TFAP4: variants seen among roughly 807,000 people sequenced by gnomAD.
TFAP4 encodes transcription factor AP-4, also known as activating enhancer-binding protein 4.
TFAP4 carries 7 observed loss-of-function variants against 40.4 expected under a neutral mutation model. That is an observed-to-expected ratio of 0.17 (90% CI 0.10 to 0.33). The LOEUF is 0.33. Ranked by LOEUF, TFAP4 falls within the 10% of genes least tolerant of loss-of-function variation. The pLI is 1.00. For synonymous variants in TFAP4, 218 were observed against 181.4 expected (o/e 1.20, Z -1.62); for missense variants, 374 against 451.1 (o/e 0.83, Z 1.55).
chr16:4,258,151 G>A lies in TFAP4; in HGVS notation c.921C>T (p.Ala307=), dbSNP rs1490054726. Residue 307 remains alanine, a synonymous_variant, in exon 7 of 7, where the codon GCC becomes GCT. Transcript: ENST00000204517. ...AGTCGGAGGCGGTGTCAGAGGTGGG[G>A]GCCTCCGGGCAGCTGCGGACAGGCT... ...IVKPVRSCPE[A]PTSDTASDSE... is the part of the protein sequence containing the mutation. The A allele has an allele frequency of 3.1e-6, 5 of 1,613,958 alleles. No homozygotes were observed. Among genetic ancestry groups the A allele is most frequent in the Non-Finnish European group, 4.2e-6 (5 of 1,179,964 alleles).
intron 1 of TFAP4, chr16:4,265,604 T>C (rs1225519634): frequency 2.9e-5 from 2 of 69,322 alleles, no homozygotes; most frequent in Non-Finnish European, 5.1e-5. Flanking sequence ...AGTGAGACCT[T>C]GTCTCAAAAA....
Position 4,260,224 on chromosome 16 carries a change from T to TAACCGGGGGGGGGGGGGGG in TFAP4, c.687_688insCCCCCCCCCCCCCCCGGTT (p.Thr230ProfsTer88). On this transcript the variant is annotated frameshift_variant, in exon 6 of 7. Coordinates refer to ENST00000204517, the MANE Select transcript of TFAP4 (RefSeq NM_003223.3). LOFTEE classifies it high-confidence loss of function. ...GGCACGATCACCGTGGGGTGGTGGG[T>TAACCGGGGGGGGGGGGGGG]GGGGGCCGGAGGGGGCAGAAGCTGC... The TAACCGGGGGGGGGGGGGGG allele has an allele frequency of 4.5e-6, 1 of 223,762 alleles. No individual in the cohort carries two copies. The highest frequency in any genetic ancestry group is 7.9e-6 in the Non-Finnish European group (1 of 126,038). The allele number at this position is 223,762 out of a possible 1,614,324, so 13.9% of individuals were successfully genotyped here. A position where few individuals can be genotyped will look rare whatever the true frequency, so the allele number is the denominator to read the frequency against.
rs772766739 is a variant in TFAP4 at position 4,258,016 on chromosome 16, C to A, written c.*39G>T. The A allele has an allele frequency of 1.3e-5, 20 of 1,589,728 alleles. No individual in the cohort carries two copies. The highest frequency in any genetic ancestry group is 1.5e-5 in the Non-Finnish European group (18 of 1,169,820). ...CTCTCCCTGTGGCTGCCCCGGCTCC[C>A]TCCAGCCCCCAGAAGGGAGAGGAGG... On this transcript the variant is annotated 3_prime_UTR_variant, in exon 7 of 7. Coordinates refer to ENST00000204517, the MANE Select transcript of TFAP4 (RefSeq NM_003223.3).
intron 4 of TFAP4, among the ~76,000 whole-genome samples, chr16:4,260,866 G>C (rs1241267586): frequency 6.6e-6 from 1 of 152,258 alleles, no homozygotes; most frequent in Non-Finnish European, 1.5e-5. Context: ...GGTTAACTAT[G>C]AGACTCAACT....
At chr16:4,260,282 T>C in intron 5 of TFAP4, 37 bp from the exon 6 acceptor site, 1 of 1,527,624 alleles carries the variant, frequency 6.5e-7, no homozygotes, top group Non-Finnish European at 8.8e-7. Flanking sequence ...CTCTCAAGGC[T>C]TCTCTTGGCC....
intron 3 of TFAP4, 98 bp downstream of exon 3, chr16:4,262,226 C>A: frequency 7.3e-7 from 1 of 1,368,550 alleles, no homozygotes; most frequent in Non-Finnish European, 1.0e-6. Flanking sequence ...TGTCAGTGGG[C>A]AAGAAGGGGC....
At chr16:4,272,506 C>A in intron 1 of TFAP4, 152 bp downstream of exon 1, 1 of 509,940 alleles carries the variant, frequency 2.0e-6, no homozygotes, top group South Asian at 4.7e-5. Context: ...GCGGCGCGGA[C>A]CCGGCGTGTG....
Position 4,262,700 on chromosome 16 carries a change from G to A in TFAP4, c.91C>T (p.Leu31Phe). The A allele has an allele frequency of 6.2e-7, 1 of 1,607,820 alleles. No individual in the cohort carries two copies. Among genetic ancestry groups the A allele is most frequent in the Non-Finnish European group, 8.5e-7 (1 of 1,179,860 alleles). The stretch of plus-strand genomic sequence containing the variant: ...TCGGGGGTTAGTGGAATGTTGGCAA[G>A]GCTGCCAGAGAGGACAGGGACAGGC... ...EKEVIGGLCS[L>F]ANIPLTPETQ... The change falls in exon 2 of 7, where the codon CTT (leucine) becomes TTT (phenylalanine). Residue 31 changes from leucine (L) to phenylalanine (F), a missense_variant and splice_region_variant. By Grantham distance (22) the Leu-to-Phe change is conservative. This residue lies in a region of TFAP4 where 51 missense variants were observed against 59.3 expected (regional missense o/e 0.86). Transcript: ENST00000204517.
At chr16:4,265,609 C>CAAAAAAAAAAAAAA (rs71394667) in intron 1 of TFAP4, 3 of 39,092 alleles carry the variant, frequency 7.7e-5, no homozygotes, top group African/African-American at 2.2e-4. Context: ...GACCTTGTCT[C>CAAAAAAAAAAAAAA]AAAAAAAAAA....
rs146039637 is a variant in TFAP4 at position 4,258,168 on chromosome 16, G to A, written c.904C>T (p.Arg302Cys). Residue 302 changes from arginine to cysteine, a missense_variant, in exon 7 of 7, where the codon CGC becomes TGC. Transcript: ENST00000204517. ...QRRAVIVKPVRSCPEAPTSDT... is the reference protein window; with the variant it reads ...QRRAVIVKPVCSCPEAPTSDT... Reference sequence around the variant, plus strand: ...GAGGTGGGGGCCTCCGGGCAGCTGCGGACAGGCTTCACGATGACAGCTCGC... The same window carrying A: ...GAGGTGGGGGCCTCCGGGCAGCTGCAGACAGGCTTCACGATGACAGCTCGC... The A allele has an allele frequency of 4.3e-6, 7 of 1,613,806 alleles. No individual in the cohort carries two copies. In the African/African-American group the frequency reaches 5.3e-5, roughly 12 times the overall value.
rs377279028 is a variant in TFAP4 at position 4,267,869 on chromosome 16, ATACTCTG to A, written c.89+4782_89+4788del. ...CCCGCTGCTTCTACACTACTCACCC[ATACTCTG>A]TACTCTGACCTGGCCAGTCTGCTGC... On this transcript the variant is annotated intron_variant, in intron 1 of 6. Coordinates refer to ENST00000204517, the MANE Select transcript of TFAP4 (RefSeq NM_003223.3). 2.1e-4 allele frequency among the ~76,000 whole-genome samples: 32 copies of A among 152,118 alleles called. No homozygotes were observed. In the East Asian group the frequency reaches 6.0e-3, roughly 29 times the overall value.
Position 4,263,130 on chromosome 16 carries a change from C to T in TFAP4, c.90-429G>A, listed in dbSNP as rs551410256. 3.1e-5 allele frequency: 6 copies of T among 193,246 alleles called. No homozygotes were observed. In the East Asian group the frequency reaches 8.6e-4, roughly 28 times the overall value. 12.0% of individuals were successfully genotyped at this position (193,246 alleles called of 1,614,324 possible). A position where few individuals can be genotyped will look rare whatever the true frequency, so the allele number is the denominator to read the frequency against. On this transcript the variant is annotated intron_variant, in intron 1 of 6. Coordinates refer to ENST00000204517, the MANE Select transcript of TFAP4 (RefSeq NM_003223.3). ...GAGGCTGCAGTGAGCTATGATCACG[C>T]CACTGCACTTCAGTCTGGGCAACAG...
intron 4 of TFAP4, among the ~76,000 whole-genome samples, chr16:4,261,234 A>G (rs1176259932): frequency 6.6e-6 from 1 of 151,846 alleles, no homozygotes. Flanking sequence ...AGCCCCGCAA[A>G]GTGCTGGGAT....
At position 4,257,957 on chromosome 16, in the gene TFAP4, A is replaced by G; in HGVS notation, c.*98T>C. ...TAAAAGAGACCCAAATGACATCGTA[A>G]TTTTGTAAAAATTTCTCACTCATTC... On this transcript the variant is annotated 3_prime_UTR_variant, in exon 7 of 7. Coordinates refer to ENST00000204517, the MANE Select transcript of TFAP4 (RefSeq NM_003223.3). The G allele has an allele frequency of 8.2e-7, 1 of 1,223,128 alleles. No homozygotes were observed. Among genetic ancestry groups the G allele is most frequent in the Admixed American group, 2.5e-5 (1 of 39,700 alleles). The allele number at this position is 1,223,128 out of a possible 1,614,324, so 75.8% of individuals were successfully genotyped here.
rs2052908226 is a variant in TFAP4, at chr16:4,257,775, G to A, written c.*280C>T. 2 of 371,346 alleles carry A rather than the reference G, an allele frequency of 5.4e-6. No homozygotes were observed. Among genetic ancestry groups the A allele is most frequent in the Non-Finnish European group, 4.8e-6 (1 of 206,716 alleles). 23.0% of individuals were successfully genotyped at this position (371,346 alleles called of 1,614,324 possible). A position where few individuals can be genotyped will look rare whatever the true frequency, so the allele number is the denominator to read the frequency against. On this transcript the variant is annotated 3_prime_UTR_variant, in exon 7 of 7. Coordinates refer to ENST00000204517, the MANE Select transcript of TFAP4 (RefSeq NM_003223.3). ...GAAAAAATGCTTTTTGGCAGAGAGA[G>A]GCCAGGCATCTCCGTGTCAGCTTCC...
chr16:4,269,680 C>T (rs917086821), intron 1 of TFAP4, among the ~76,000 whole-genome samples: 5 of 148,236 alleles, frequency 3.4e-5, no homozygotes, highest in African/African-American at 1.0e-4. Flanking sequence ...CATGGTGGAG[C>T]GGGCCTGTAG....
In TFAP4 at chr16:4,257,266, A is replaced by G. The variant is rs2052900105; in HGVS notation, c.*789T>C. The G allele has an allele frequency of 6.6e-6, 1 of 151,682 alleles. No homozygotes were observed. Among genetic ancestry groups the G allele is most frequent in the African/African-American group, 2.4e-5 (1 of 41,112 alleles). 9.4% of individuals were successfully genotyped at this position (151,682 alleles called of 1,614,324 possible). On this transcript the variant is annotated 3_prime_UTR_variant, in exon 7 of 7. Coordinates refer to ENST00000204517, the MANE Select transcript of TFAP4 (RefSeq NM_003223.3). ...TGGTTTTTTTCTCCCCACTTTCTTAACAAAATATAATAGCTTCTCCTTGAA... is the reference window on the plus strand; with the variant it reads ...TGGTTTTTTTCTCCCCACTTTCTTAGCAAAATATAATAGCTTCTCCTTGAA...
At position 4,260,145 on chromosome 16, in the gene TFAP4, G is replaced by T; in HGVS notation, c.767C>A (p.Ser256Tyr). The change falls in exon 6 of 7, where the codon TCC becomes TAC. Residue 256 changes from serine (S) to tyrosine (Y), a missense_variant. This residue lies in a region of TFAP4 where 161 missense variants were observed against 154.2 expected (regional missense o/e 1.04). Transcript: ENST00000204517. Reference sequence around the variant, plus strand: ...TGTGGAAACAGAGTTGATGACCGAGGAGGGGCCCATGGTGACGACATTGAT... The same window carrying T: ...TGTGGAAACAGAGTTGATGACCGAGTAGGGGCCCATGGTGACGACATTGAT... ...HHINVVTMGPSSVINSVSTSR... is the reference protein window; with the variant it reads ...HHINVVTMGPYSVINSVSTSR... 6.2e-7 allele frequency: 1 copy of T among 1,610,190 alleles called. No homozygotes were observed. Among genetic ancestry groups the T allele is most frequent in the Non-Finnish European group, 8.5e-7 (1 of 1,178,784 alleles).
Position 4,260,191 on chromosome 16 carries a change from GC to G in TFAP4, c.720del (p.Pro241LeufsTer58). On this transcript the variant is annotated frameshift_variant, in exon 6 of 7. Transcript: ENST00000204517. LOFTEE classifies it high-confidence loss of function. ...TTGATGTGGTGGGAGGGAGGAGGAGGCGGTGCTGGCACGATCACCGTGGGGT... is the reference window on the plus strand; with the variant it reads ...TTGATGTGGTGGGAGGGAGGAGGAGGGGTGCTGGCACGATCACCGTGGGGT... ...THHPTVIVPA[P>X]PPPPSHHINV... is the part of the protein sequence containing the mutation. 6.3e-7 allele frequency: 1 copy of G among 1,585,850 alleles called. No homozygotes were observed. Among genetic ancestry groups the G allele is most frequent in the Non-Finnish European group, 8.6e-7 (1 of 1,169,346 alleles).
Sources: gnomAD v4.1 joint callset for allele counts (sites outside exome capture counted in the v4.1 genomes callset) on GRCh38, gnomAD v4.1.1 for gene constraint, gnomAD v4.1.1 regional missense constraint, MANE v1.5 for transcripts, NCBI Gene and HGNC (gene_info 2026-07-23, HGNC 2026-07-21) for gene names.